CHN2: variants seen among roughly 807,000 people sequenced by gnomAD.
The protein encoded by CHN2 is beta-chimaerin.
CHN2 carries 35 observed loss-of-function variants against 56.3 expected under a neutral mutation model. The observed-to-expected ratio is 0.62, with a 90% CI of 0.47 to 0.82. CHN2 has a LOEUF of 0.82. Ranked by LOEUF, CHN2 falls within the 40% of genes least tolerant of loss-of-function variation. The pLI, the probability that CHN2 is intolerant of heterozygous loss-of-function variation, is 0.00. For synonymous variants in CHN2, 210 were observed against 212.8 expected (o/e 0.99, Z 0.12); for missense variants, 491 against 580.5 (o/e 0.85, Z 1.58).
chr7:29,263,672 C>T (rs1461570418), intron 1 of CHN2, among the ~76,000 whole-genome samples: 8 of 151,304 alleles, frequency 5.3e-5, no homozygotes, highest in East Asian at 2.0e-4. Flanking sequence ...CGCCTCTTCC[C>T]GGCCGTCATC....
intron 1 of CHN2, among the ~76,000 whole-genome samples, chr7:29,203,483 A>AG (rs1784307219): frequency 6.6e-6 from 1 of 151,544 alleles, no homozygotes; most frequent in Non-Finnish European, 1.5e-5. Context: ...AAAAAAAAAA[A>AG]AAAAAAAAAG....
intron 4 of CHN2, among the ~76,000 whole-genome samples, chr7:29,394,796 A>T (rs925958874): frequency 1.3e-5 from 2 of 152,250 alleles, no homozygotes; most frequent in Admixed American, 6.5e-5. Context: ...ACACTTTTGC[A>T]TGTGAATTCT....
chr7:29,221,018 A>G (rs968424024), intron 1 of CHN2, among the ~76,000 whole-genome samples: 11 of 152,228 alleles, frequency 7.2e-5, no homozygotes, highest in African/African-American at 1.9e-4. Flanking sequence ...GAGGAAAATT[A>G]TGTAATTATT....
At chr7:29,340,023 T>C (rs1796920985) in intron 1 of CHN2, among the ~76,000 whole-genome samples, 1 of 152,136 alleles carries the variant, frequency 6.6e-6, no homozygotes, top group Admixed American at 6.5e-5. Context: ...AGTGGCAGCA[T>C]TGGACAGGGA....
Position 29,398,313 on chromosome 7 carries a change from C to A in CHN2, c.177-60C>A, listed in dbSNP as rs1801929368. ...CCCCACCATCCTTTTAAGGCTAGTTCTTTGTGGTCCTTATTCTGTATGTGG... is the reference window on the plus strand; with the variant it reads ...CCCCACCATCCTTTTAAGGCTAGTTATTTGTGGTCCTTATTCTGTATGTGG... On this transcript the variant is annotated intron_variant, in intron 4 of 12. Transcript: ENST00000222792. 31 of 1,296,032 alleles carry A rather than the reference C, an allele frequency of 2.4e-5. No homozygotes were observed. In the East Asian group the frequency reaches 6.7e-4, roughly 28 times the overall value. 80.3% of individuals were successfully genotyped at this position (1,296,032 alleles called of 1,614,324 possible).
chr7:29,364,367 A>G (rs190530611), intron 2 of CHN2, among the ~76,000 whole-genome samples: 23 of 152,344 alleles, frequency 1.5e-4, no homozygotes, highest in Admixed American at 1.0e-3. Context: ...TATAACAGGT[A>G]TGCATCCTTT....
chr7:29,195,052 G>T, intron 1 of CHN2, 62 bp downstream of exon 1: 10 of 1,526,444 alleles, frequency 6.6e-6, no homozygotes, highest in Non-Finnish European at 8.9e-6. Context: ...CCCTCGCCCC[G>T]CAGCCTGGGA....
chr7:29,208,299 C>G (rs749964726), intron 1 of CHN2, among the ~76,000 whole-genome samples: 1 of 152,120 alleles, frequency 6.6e-6, no homozygotes, highest in African/African-American at 2.4e-5. Context: ...TCCTTTTTCC[C>G]ATAGGACACC....
chr7:29,335,702 A>T (rs906758999), intron 1 of CHN2: 4 of 152,226 alleles, frequency 2.6e-5, no homozygotes, highest in African/African-American at 4.8e-5. Context: ...TTTCCTCTTT[A>T]ATCAGATCTG....
At chr7:29,177,143 C>T (rs1372658165) in intron 2 of CHN2, among the ~76,000 whole-genome samples, 1 of 152,178 alleles carries the variant, frequency 6.6e-6, no homozygotes, top group African/African-American at 2.4e-5. Context: ...AATTTACTCA[C>T]TGGGAAACTT....
chr7:29,266,842 A>T lies in CHN2; in HGVS notation c.49+71852A>T, dbSNP rs573648057. Among the ~76,000 whole-genome samples, 6 of 152,310 alleles carry T rather than the reference A, an allele frequency of 3.9e-5. No homozygotes were observed. The East Asian group carries it at 7.7e-4, about 20-fold the overall frequency. ...CCAAACTAGGTCCAGACCTCCTTCC[A>T]GGAAGCCTCCACCTCTTCTAGTCGA... On this transcript the variant is annotated intron_variant, in intron 1 of 12. Transcript: ENST00000222792.
At chr7:29,293,182 G>T (rs1356927916) in intron 1 of CHN2, among the ~76,000 whole-genome samples, 1 of 152,164 alleles carries the variant, frequency 6.6e-6, no homozygotes, top group Non-Finnish European at 1.5e-5. Context: ...GATTGTCCCT[G>T]CTGCTGCCTA....
At chr7:29,442,000 C>G (rs1376476799) in intron 6 of CHN2, among the ~76,000 whole-genome samples, 3 of 152,038 alleles carry the variant, frequency 2.0e-5, no homozygotes, top group Non-Finnish European at 2.9e-5. Context: ...ACAGAACTAC[C>G]CATGGTAGCC....
chr7:29,251,456 AAAAAT>A (rs1307685706), intron 1 of CHN2, among the ~76,000 whole-genome samples: 2 of 152,226 alleles, frequency 1.3e-5, no homozygotes, highest in South Asian at 2.1e-4. Context: ...TCTGTCTGAA[AAAAAT>A]AAAATAAAAT....
chr7:29,336,767 A>C (rs1796656494), intron 1 of CHN2, among the ~76,000 whole-genome samples: 1 of 50,136 alleles, frequency 2.0e-5, no homozygotes, highest in African/African-American at 6.0e-5. Context: ...CTCAAAAAAA[A>C]AAAAAAAAAA....
chr7:29,502,272 G>A (rs753043574), intron 9 of CHN2, among the ~76,000 whole-genome samples: 28 of 152,098 alleles, frequency 1.8e-4, no homozygotes, highest in Non-Finnish European at 3.4e-4. Flanking sequence ...CTGTTCCACC[G>A]TGGCAGGAAC....
intron 1 of CHN2, among the ~76,000 whole-genome samples, chr7:29,257,292 G>A (rs112286492): frequency 0.031 from 4,771 of 152,190 alleles, 265 homozygotes; most frequent in African/African-American, 0.11. Flanking sequence ...TGTCCTATAT[G>A]TGTCTTTCAA....
At chr7:29,442,937 T>C (rs1211861795) in intron 6 of CHN2, among the ~76,000 whole-genome samples, 1 of 122,272 alleles carries the variant, frequency 8.2e-6, no homozygotes, top group Non-Finnish European at 1.7e-5. Context: ...TGAATTTCTT[T>C]TTTTTTTTTT....
chr7:29,281,373 C>G (rs986562780), intron 1 of CHN2, among the ~76,000 whole-genome samples: 7 of 152,172 alleles, frequency 4.6e-5, no homozygotes, highest in Non-Finnish European at 1.0e-4. Context: ...ACCATTTTTA[C>G]TTAAGGAACC....
Sources: allele counts gnomAD v4.1 joint callset (sites outside exome capture counted in the v4.1 genomes callset), GRCh38; gene constraint gnomAD v4.1.1; transcripts MANE v1.5; gene names NCBI Gene and HGNC (gene_info 2026-07-23, HGNC 2026-07-21).